The following NPFFR1 variants were observed in gnomAD, a reference collection of about 807,000 sequenced individuals.
The protein encoded by NPFFR1 is G-protein coupled receptor 147.
NPFFR1 carries 17 observed loss-of-function variants against 12.7 expected under a neutral mutation model. The ratio of observed to expected loss-of-function variants is 1.34; its 90% CI spans 0.92 to 2.01. The LOEUF (loss-of-function observed/expected upper bound fraction) is 2.01. Among genes scored for constraint, NPFFR1 ranks in the 30% most tolerant of loss-of-function variants. The probability of loss-of-function intolerance (pLI) is 0.00; values close to 1 mark genes in which losing one functional copy is unlikely to be tolerated. For missense variants in NPFFR1, 604 were observed against 606.5 expected, an observed-to-expected ratio of 1.00 and a Z score of 0.04; for synonymous variants, 296 against 264.5, an observed-to-expected ratio of 1.12 and a Z score of -1.16.
At chr10:70,282,771 C>A (rs534039424) in intron 1 of NPFFR1, among the ~76,000 whole-genome samples, 48 of 152,194 alleles carry the variant, frequency 3.2e-4, no homozygotes, top group South Asian at 2.7e-3. Flanking sequence ...AGACAGTGGA[C>A]GAGCCCTTGG....
At chr10:70,264,419 G>C (rs901611261) in intron 2 of NPFFR1, among the ~76,000 whole-genome samples, 2 of 147,736 alleles carry the variant, frequency 1.4e-5, no homozygotes, top group Non-Finnish European at 3.0e-5. Flanking sequence ...GCTGTGTGAA[G>C]TTTTATTTAA....
intron 2 of NPFFR1, among the ~76,000 whole-genome samples, chr10:70,264,266 C>T (rs1468148251): frequency 9.6e-5 from 14 of 146,210 alleles, no homozygotes; most frequent in African/African-American, 2.0e-4. Context: ...CCTAGCCACT[C>T]GGGAGGCTGA....
intron 1 of NPFFR1, among the ~76,000 whole-genome samples, chr10:70,283,058 C>A (rs1840878243): frequency 2.0e-5 from 3 of 152,154 alleles, no homozygotes; most frequent in Admixed American, 2.0e-4. Context: ...CTGTCCTCAC[C>A]TGGTCTCAAA....
chr10:70,253,544 A>G lies in NPFFR1; in HGVS notation c.*1413T>C, dbSNP rs1840533159. The G allele has an allele frequency of 6.6e-6, 1 of 152,186 alleles. No individual in the cohort carries two copies. The highest frequency in any genetic ancestry group is 2.1e-4 in the South Asian group (1 of 4,820). 9.4% of individuals were successfully genotyped at this position (152,186 alleles called of 1,614,324 possible). ...ATTAAATGAGACGGTGTCTGGGGAC[A>G]TGCTTGGAGAATGTATTGTACAACT... On this transcript the variant is annotated 3_prime_UTR_variant, in exon 4 of 4. Transcript: ENST00000277942.
At position 70,250,263 on chromosome 10, in the gene NPFFR1, A is replaced by G. The variant is rs1261336281; in HGVS notation, c.*4694T>C. 6.6e-6 allele frequency: 1 copy of G among 152,230 alleles called. No individual in the cohort carries two copies. The highest frequency in any genetic ancestry group is 1.5e-5 in the Non-Finnish European group (1 of 68,056). 9.4% of individuals were successfully genotyped at this position (152,230 alleles called of 1,614,324 possible). A position where few individuals can be genotyped will look rare whatever the true frequency, so the allele number is the denominator to read the frequency against. On this transcript the variant is annotated 3_prime_UTR_variant, in exon 4 of 4. Transcript: ENST00000277942. ...TAAGTGTTGGCCAGGATGTAGAACAACTGGAACATTCATACACTGCTGATG... is the reference window on the plus strand; with the variant it reads ...TAAGTGTTGGCCAGGATGTAGAACAGCTGGAACATTCATACACTGCTGATG...
At chr10:70,281,361 T>C (rs1840860322) in intron 1 of NPFFR1, among the ~76,000 whole-genome samples, 1 of 152,164 alleles carries the variant, frequency 6.6e-6, no homozygotes, top group East Asian at 1.9e-4. Context: ...CCCAGCAGGA[T>C]AGAACCCCCC....
At chr10:70,277,623 G>C (rs1013539618) in intron 1 of NPFFR1, among the ~76,000 whole-genome samples, 8 of 152,194 alleles carry the variant, frequency 5.3e-5, no homozygotes. Flanking sequence ...CCCCATAGCT[G>C]TGCCCACTTC....
chr10:70,266,482 C>T, intron 1 of NPFFR1, 91 bp from the exon 2 acceptor site: 1 of 1,032,014 alleles, frequency 9.7e-7, no homozygotes, highest in Non-Finnish European at 1.4e-6. Flanking sequence ...TGTGCCAAAC[C>T]TTAACCATGC....
intron 1 of NPFFR1, among the ~76,000 whole-genome samples, chr10:70,270,413 T>G (rs985850036): frequency 6.6e-6 from 1 of 152,164 alleles, no homozygotes; most frequent in African/African-American, 2.4e-5. Flanking sequence ...CTCCCATGAC[T>G]GGGGGGATCT....
intron 3 of NPFFR1, among the ~76,000 whole-genome samples, chr10:70,257,864 T>C (rs1840589135): frequency 6.6e-6 from 1 of 152,182 alleles, no homozygotes. Flanking sequence ...ACTGAGATGT[T>C]TGGGTGGAGA....
intron 3 of NPFFR1, among the ~76,000 whole-genome samples, chr10:70,260,058 A>G (rs1224058966): frequency 6.6e-6 from 1 of 152,198 alleles, no homozygotes; most frequent in Non-Finnish European, 1.5e-5. Context: ...TCAGTGCTTT[A>G]TTGATTGCAA....
intron 1 of NPFFR1, among the ~76,000 whole-genome samples, chr10:70,275,430 G>T (rs1242851749): frequency 6.6e-6 from 1 of 152,160 alleles, no homozygotes; most frequent in Admixed American, 6.5e-5. Context: ...TAAAGGGGAG[G>T]CAGGGATTTC....
At chr10:70,271,383 C>T (rs1006117470) in intron 1 of NPFFR1, among the ~76,000 whole-genome samples, 2 of 151,924 alleles carry the variant, frequency 1.3e-5, no homozygotes, top group African/African-American at 2.4e-5. Flanking sequence ...TGTGGTGGTG[C>T]GTGCCTGTAG....
In NPFFR1 at chr10:70,250,520, T is replaced by TA. The variant is rs1230463310; in HGVS notation, c.*4436dup. 1.3e-5 allele frequency: 2 copies of TA among 152,206 alleles called. No homozygotes were observed. Among genetic ancestry groups the TA allele is most frequent in the Non-Finnish European group, 2.9e-5 (2 of 68,044 alleles). The allele number at this position is 152,206 out of a possible 1,614,324, so 9.4% of individuals were successfully genotyped here. ...AAATGTCTATCAACTGATGAATGGA[T>TA]AAACAAAATGTGATCTATTCATACA... On this transcript the variant is annotated 3_prime_UTR_variant, in exon 4 of 4. Coordinates refer to ENST00000277942, the MANE Select transcript of NPFFR1 (RefSeq NM_022146.5).
Position 70,248,954 on chromosome 10 carries a change from C to T in NPFFR1, c.*6003G>A, listed in dbSNP as rs1840482537. On this transcript the variant is annotated 3_prime_UTR_variant, in exon 4 of 4. Coordinates refer to ENST00000277942, the MANE Select transcript of NPFFR1 (RefSeq NM_022146.5). The stretch of plus-strand genomic sequence containing the variant: ...TCTCTGTCTGGGTTTGTTTCTTCCC[C>T]AGCTAGTCACATGGCTCCCTCTCTC... The T allele has an allele frequency of 6.6e-6, 1 of 152,254 alleles. No individual in the cohort carries two copies. Among genetic ancestry groups the T allele is most frequent in the South Asian group, 2.1e-4 (1 of 4,832 alleles). 9.4% of individuals were successfully genotyped at this position (152,254 alleles called of 1,614,324 possible).
rs1564591011 is a variant in NPFFR1 at position 70,247,978 on chromosome 10, A to G, written c.*6979T>C. 1 of 152,218 alleles carries G rather than the reference A, an allele frequency of 6.6e-6. No individual in the cohort carries two copies. The highest frequency in any genetic ancestry group is 2.1e-4 in the South Asian group (1 of 4,834). 9.4% of individuals were successfully genotyped at this position (152,218 alleles called of 1,614,324 possible). On this transcript the variant is annotated 3_prime_UTR_variant, in exon 4 of 4. Coordinates refer to ENST00000277942, the MANE Select transcript of NPFFR1 (RefSeq NM_022146.5). ...TATCCCAAATCTTTGGAAGCCATTG[A>G]AAGTGATGCAAATGTGTCTCATGGC...
chr10:70,271,357 TA>T (rs978621808), intron 1 of NPFFR1, among the ~76,000 whole-genome samples: 3 of 151,456 alleles, frequency 2.0e-5, no homozygotes, highest in Non-Finnish European at 4.4e-5. Context: ...TACAAAAAAT[TA>T]AAAAATTAGC....
At chr10:70,264,185 C>T (rs1288777681) in intron 2 of NPFFR1, among the ~76,000 whole-genome samples, 1 of 150,848 alleles carries the variant, frequency 6.6e-6, no homozygotes, top group Non-Finnish European at 1.5e-5. Context: ...ACCAGACTGG[C>T]TAACATGGTG....
At chr10:70,279,760 C>T (rs1840840376) in intron 1 of NPFFR1, among the ~76,000 whole-genome samples, 2 of 152,172 alleles carry the variant, frequency 1.3e-5, no homozygotes, top group Non-Finnish European at 2.9e-5. Context: ...TGCACATGGC[C>T]CTCTTGGCAA....
Sources: allele counts gnomAD v4.1 joint callset (sites outside exome capture counted in the v4.1 genomes callset), GRCh38; gene constraint gnomAD v4.1.1; transcripts MANE v1.5; gene names NCBI Gene and HGNC (gene_info 2026-07-23, HGNC 2026-07-21).